UQCC1: variants seen among roughly 807,000 people sequenced by gnomAD.
The protein encoded by UQCC1 is ubiquinol-cytochrome c reductase complex assembly factor 1, also known as bFGF-repressed Zic-binding protein.
In UQCC1, 38 loss-of-function variants were observed where a neutral mutation model predicts 48.0. The ratio of observed to expected loss-of-function variants is 0.79; its 90% CI spans 0.61 to 1.04. The LOEUF (loss-of-function observed/expected upper bound fraction) is 1.04, where lower values mean the gene tolerates loss of function less well. UQCC1 is among the 50% of genes least tolerant of loss of function. The probability of loss-of-function intolerance (pLI) is 0.00; values close to 1 mark genes in which losing one functional copy is unlikely to be tolerated. For missense variants in UQCC1, 368 were observed against 381.8 expected, an observed-to-expected ratio of 0.96 and a Z score of 0.30; for synonymous variants, 111 against 129.2, an observed-to-expected ratio of 0.86 and a Z score of 0.95.
At chr20:35,405,898 T>C (rs2062244183) in intron 1 of UQCC1, among the ~76,000 whole-genome samples, 1 of 152,106 alleles carries the variant, frequency 6.6e-6, no homozygotes, top group Non-Finnish European at 1.5e-5. Flanking sequence ...ACAAAATAAA[T>C]TCTAGAATTG....
intron 1 of UQCC1, among the ~76,000 whole-genome samples, chr20:35,409,712 T>TC (rs1422537037): frequency 1.3e-5 from 2 of 152,078 alleles, no homozygotes; most frequent in African/African-American, 4.8e-5. Flanking sequence ...AGTTTCCTCC[T>TC]CCTTCCCAAA....
At chr20:35,335,825 CAG>C (rs2061309827) in intron 7 of UQCC1, among the ~76,000 whole-genome samples, 1 of 152,128 alleles carries the variant, frequency 6.6e-6, no homozygotes, top group Non-Finnish European at 1.5e-5. Context: ...TTTTTAAAAA[CAG>C]AAAAATGGAA....
chr20:35,338,882 A>AT lies in UQCC1; in HGVS notation c.573+8281_573+8282insA, dbSNP rs1568666102. 2.5e-4 allele frequency among the ~76,000 whole-genome samples: 15 copies of AT among 60,148 alleles called. 1 individual carries two copies. Among genetic ancestry groups the AT allele is most frequent in the African/African-American group, 2.1e-3 (10 of 4,656 alleles). 39.5% of individuals were successfully genotyped at this position (60,148 alleles called of 152,430 possible). On this transcript the variant is annotated intron_variant, in intron 7 of 9. Transcript: ENST00000374385. The stretch of plus-strand genomic sequence containing the variant: ...AAAAAAAAAAAAAAAAAAAAAAAAA[A>AT]AAAAAAAAAAATATATATATATATA...
rs766930137 is a variant in UQCC1 at position 35,384,147 on chromosome 20, A to G, written c.130-14T>C. ...CATCTGGGGCCACTGAAGAATAAAA[A>G]CACAGATCTATGCAACACTGAGCAC... On this transcript the variant is annotated splice_polypyrimidine_tract_variant and intron_variant, in intron 2 of 9. Coordinates refer to ENST00000374385, the MANE Select transcript of UQCC1 (RefSeq NM_018244.5). 2.5e-6 allele frequency: 4 copies of G among 1,602,948 alleles called. No individual in the cohort carries two copies. The highest frequency in any genetic ancestry group is 3.4e-6 in the Non-Finnish European group (4 of 1,170,380).
At chr20:35,362,486 A>G (rs1370031066) in intron 6 of UQCC1, among the ~76,000 whole-genome samples, 1 of 152,076 alleles carries the variant, frequency 6.6e-6, no homozygotes, top group African/African-American at 2.4e-5. Context: ...CCTCCTGAGT[A>G]GCTGGGACTA....
At chr20:35,322,279 T>C (rs2061139719) in intron 7 of UQCC1, among the ~76,000 whole-genome samples, 1 of 152,000 alleles carries the variant, frequency 6.6e-6, no homozygotes, top group Admixed American at 6.5e-5. Context: ...CTGATAATAA[T>C]GATGACAGTG....
intron 6 of UQCC1, among the ~76,000 whole-genome samples, chr20:35,362,991 T>C (rs2061623336): frequency 6.6e-6 from 1 of 150,988 alleles, no homozygotes. Context: ...CTTCTTTCTT[T>C]TCTTTCTTGC....
At chr20:35,310,851 C>T (rs1391862635) in intron 8 of UQCC1, among the ~76,000 whole-genome samples, 1 of 142,374 alleles carries the variant, frequency 7.0e-6, no homozygotes, top group Non-Finnish European at 1.5e-5. Flanking sequence ...CACCACCATG[C>T]CGGGCTAATT....
intron 6 of UQCC1, among the ~76,000 whole-genome samples, chr20:35,358,492 G>A (rs1157765719): frequency 6.6e-6 from 1 of 150,650 alleles, no homozygotes; most frequent in Non-Finnish European, 1.5e-5. Flanking sequence ...ATCATTTATT[G>A]AACAAGTATT....
intron 8 of UQCC1, among the ~76,000 whole-genome samples, chr20:35,307,901 C>T (rs567481860): frequency 1.3e-5 from 2 of 152,212 alleles, no homozygotes; most frequent in South Asian, 4.1e-4. Flanking sequence ...AGCTGTGTCA[C>T]TTGATGGCCA....
At chr20:35,314,892 C>A in intron 7 of UQCC1, 127 bp from the exon 8 acceptor site, 1 of 612,606 alleles carries the variant, frequency 1.6e-6, no homozygotes, top group South Asian at 2.8e-5. Flanking sequence ...ACAAGTCAAG[C>A]TGCCAGTCCA....
At chr20:35,346,045 C>T (rs935815855) in intron 7 of UQCC1, 7 of 151,938 alleles carry the variant, frequency 4.6e-5, no homozygotes, top group African/African-American at 1.2e-4. Flanking sequence ...CCAATCAGTG[C>T]TCTGTGTCTA....
intron 7 of UQCC1, among the ~76,000 whole-genome samples, chr20:35,322,372 C>T (rs1290053388): frequency 6.6e-6 from 1 of 152,104 alleles, no homozygotes; most frequent in Non-Finnish European, 1.5e-5. Flanking sequence ...CACAACCCTG[C>T]CCTCGAGGAG....
At chr20:35,304,313 G>C (rs2060904448) in intron 9 of UQCC1, among the ~76,000 whole-genome samples, 1 of 152,150 alleles carries the variant, frequency 6.6e-6, no homozygotes, top group Non-Finnish European at 1.5e-5. Flanking sequence ...GGCAGTTAGG[G>C]AATTCCCTAT....
At chr20:35,396,284 CTTTT>C (rs34830667) in intron 1 of UQCC1, among the ~76,000 whole-genome samples, 1 of 94,376 alleles carries the variant, frequency 1.1e-5, no homozygotes, top group Non-Finnish European at 2.0e-5. Context: ...TGTGCCTGGC[CTTTT>C]TTTTTTTTTT....
chr20:35,381,895 G>C (rs1555812611), intron 4 of UQCC1, 23 bp downstream of exon 4: 5 of 1,383,534 alleles, frequency 3.6e-6, no homozygotes, highest in Middle Eastern at 1.8e-4. Flanking sequence ...AAGGAAAAAT[G>C]AGAAGAACTT....
intron 4 of UQCC1, among the ~76,000 whole-genome samples, chr20:35,380,495 T>C (rs745609122): frequency 2.6e-5 from 4 of 152,208 alleles, no homozygotes; most frequent in Non-Finnish European, 4.4e-5. Flanking sequence ...ATATTTGCTG[T>C]AGTGAGAATT....
chr20:35,326,979 T>C (rs1302519152), intron 7 of UQCC1, among the ~76,000 whole-genome samples: 1 of 152,182 alleles, frequency 6.6e-6, no homozygotes, highest in Admixed American at 6.5e-5. Context: ...CTGAACAACC[T>C]AGAGGATCTA....
At chr20:35,328,859 C>T (rs1031587679) in intron 7 of UQCC1, among the ~76,000 whole-genome samples, 1 of 152,166 alleles carries the variant, frequency 6.6e-6, no homozygotes, top group African/African-American at 2.4e-5. Flanking sequence ...CTTTCTCGTT[C>T]GTCTGTTTCG....
Sources: gnomAD v4.1 joint callset for allele counts (sites outside exome capture counted in the v4.1 genomes callset) on GRCh38, gnomAD v4.1.1 for gene constraint, MANE v1.5 for transcripts, NCBI Gene and HGNC (gene_info 2026-07-23, HGNC 2026-07-21) for gene names.